The following CLSTN3 variants were observed in gnomAD, a reference collection of about 807,000 sequenced individuals.
The protein encoded by CLSTN3 is calsyntenin-3.
CLSTN3 carries 36 observed loss-of-function variants against 95.9 expected under a neutral mutation model. That is an observed-to-expected ratio of 0.38 (90% CI 0.29 to 0.50). The LOEUF is 0.50. Among genes scored for constraint, CLSTN3 ranks in the 20% least tolerant of loss-of-function variants. The probability of loss-of-function intolerance (pLI) is 0.95; values close to 1 mark genes in which losing one functional copy is unlikely to be tolerated. For synonymous variants in CLSTN3, 481 were observed against 504.0 expected (o/e 0.95, Z 0.61); for missense variants, 1,084 against 1,268.8 (o/e 0.85, Z 2.21).
intron 12 of CLSTN3, among the ~76,000 whole-genome samples, chr12:7,143,921 A>G (rs1352683736): frequency 6.6e-6 from 1 of 152,192 alleles, no homozygotes; most frequent in Non-Finnish European, 1.5e-5. Context: ...CTCAAACAGA[A>G]CTATCTAATC....
At chr12:7,156,750 A>C (rs1312562668) in intron 16 of CLSTN3, 1 of 456,738 alleles carries the variant, frequency 2.2e-6, no homozygotes, top group Non-Finnish European at 4.4e-6. Context: ...GTGCCCTTGA[A>C]GGTCCATGCC....
Position 7,150,845 on chromosome 12 carries a change from G to T in CLSTN3, c.2392-83G>T. 6.5e-7 allele frequency: 1 copy of T among 1,547,998 alleles called. No individual in the cohort carries two copies. Among genetic ancestry groups the T allele is most frequent in the Non-Finnish European group, 8.8e-7 (1 of 1,140,562 alleles). ...GGAGGAGAAGGAGATGGGGGCAGTAGTTAGGAGATGGGGCTGGGGTCTAGA... is the reference window on the plus strand; with the variant it reads ...GGAGGAGAAGGAGATGGGGGCAGTATTTAGGAGATGGGGCTGGGGTCTAGA... On this transcript the variant is annotated intron_variant, in intron 15 of 17. Coordinates refer to ENST00000266546, the MANE Select transcript of CLSTN3 (RefSeq NM_014718.4). The surrounding 1 kb of genome is among the most constrained non-coding windows in gnomAD (Gnocchi z 4.0).
intron 8 of CLSTN3, among the ~76,000 whole-genome samples, chr12:7,139,942 C>T (rs1173087453): frequency 2.0e-5 from 3 of 152,168 alleles, no homozygotes; most frequent in African/African-American, 7.2e-5. Context: ...CTGCGCCTGG[C>T]CAGATTTACA....
chr12:7,147,909 C>A (rs1218656683), intron 12 of CLSTN3, among the ~76,000 whole-genome samples: 1 of 152,082 alleles, frequency 6.6e-6, no homozygotes, highest in Admixed American at 6.5e-5. Flanking sequence ...AATCCCAGCA[C>A]TTTGGGAGGC....
Position 7,133,008 on chromosome 12 carries a change from C to T in CLSTN3, c.65-16C>T. 5 of 1,612,904 alleles carry T rather than the reference C, an allele frequency of 3.1e-6. No individual in the cohort carries two copies. Among genetic ancestry groups the T allele is most frequent in the Non-Finnish European group, 4.2e-6 (5 of 1,179,500 alleles). ...GCTCACAGGTGCTTCCTCTCCTCTC[C>T]CTGGGGTGGGGCCAGCCAACAAGCA... is the stretch of plus-strand genomic sequence containing the variant. On this transcript the variant is annotated splice_polypyrimidine_tract_variant and intron_variant, in intron 1 of 17. Transcript: ENST00000266546. The surrounding 1 kb of genome is among the most constrained non-coding windows in gnomAD (Gnocchi z 4.7).
chr12:7,133,222 A>G lies in CLSTN3; in HGVS notation c.187+76A>G. 6.9e-7 allele frequency: 1 copy of G among 1,451,808 alleles called. No homozygotes were observed. The highest frequency in any genetic ancestry group is 1.8e-4 in the Middle Eastern group (1 of 5,684). 89.9% of individuals were successfully genotyped at this position (1,451,808 alleles called of 1,614,324 possible). A position where few individuals can be genotyped will look rare whatever the true frequency, so the allele number is the denominator to read the frequency against. On this transcript the variant is annotated intron_variant, in intron 2 of 17. Transcript: ENST00000266546. The surrounding 1 kb of genome is among the most constrained non-coding windows in gnomAD (Gnocchi z 4.7). ...TGGGAGGGCCAAGAGCAAGGGAGGG[A>G]GGGAAGGTCCTGGGAGTGATGAGAA...
In CLSTN3 at chr12:7,158,145, G is replaced by A; in HGVS notation, c.*64G>A. ...CTGGTGAAACAGACACTCCAGACAT[G>A]GGAGAAGGACTTTCTGGGAACACAG... On this transcript the variant is annotated 3_prime_UTR_variant, in exon 18 of 18. Coordinates refer to ENST00000266546, the MANE Select transcript of CLSTN3 (RefSeq NM_014718.4). 2 of 1,444,520 alleles carry A rather than the reference G, an allele frequency of 1.4e-6. No homozygotes were observed. Among genetic ancestry groups the A allele is most frequent in the Non-Finnish European group, 1.8e-6 (2 of 1,090,458 alleles). 89.5% of individuals were successfully genotyped at this position (1,444,520 alleles called of 1,614,324 possible).
chr12:7,148,154 CAAAAAG>C (rs1211721531), intron 12 of CLSTN3, among the ~76,000 whole-genome samples: 1 of 99,120 alleles, frequency 1.0e-5, no homozygotes, highest in Non-Finnish European at 2.2e-5. Flanking sequence ...GAAACTCCAT[CAAAAAG>C]AAAGAAAGAA....
In CLSTN3 at chr12:7,149,414, T is replaced by A. The variant is rs1939683175; in HGVS notation, c.2075-109T>A. The A allele has an allele frequency of 9.1e-7, 1 of 1,099,584 alleles. No homozygotes were observed. The highest frequency in any genetic ancestry group is 1.3e-6 in the Non-Finnish European group (1 of 753,084). 68.1% of individuals were successfully genotyped at this position (1,099,584 alleles called of 1,614,324 possible). Reference sequence around the variant, plus strand: ...TTCTTGAAAATGATGCTGACTTCCCTCTCCCTGGCCCTGGAAAGGGAGGGA... The same window carrying A: ...TTCTTGAAAATGATGCTGACTTCCCACTCCCTGGCCCTGGAAAGGGAGGGA... On this transcript the variant is annotated intron_variant, in intron 13 of 17. Coordinates refer to ENST00000266546, the MANE Select transcript of CLSTN3 (RefSeq NM_014718.4). This position sits in a 1 kb window ranked among gnomAD's most constrained non-coding sequence, Gnocchi z 4.5.
At chr12:7,144,824 A>T (rs10845618) in intron 12 of CLSTN3, among the ~76,000 whole-genome samples, 100,505 of 151,458 alleles carry the variant, frequency 0.66, 34,832 homozygotes, top group Non-Finnish European at 0.77. Context: ...TCACAGTTAG[A>T]GCTGTGGAAG....
Position 7,150,678 on chromosome 12 carries a change from T to A in CLSTN3, c.2380T>A (p.Phe794Ile). The A allele has an allele frequency of 6.2e-7, 1 of 1,613,686 alleles. No homozygotes were observed. Among genetic ancestry groups the A allele is most frequent in the Non-Finnish European group, 8.5e-7 (1 of 1,179,608 alleles). The change falls in exon 15 of 18, where the codon TTC becomes ATC. Residue 794 changes from phenylalanine to isoleucine, a missense_variant. By Grantham distance (21) the Phe-to-Ile change is conservative. Transcript: ENST00000266546. The surrounding 1 kb of genome is among the most constrained non-coding windows in gnomAD (Gnocchi z 4.0). ...EMNGRYSSNE[F>I]IVEVNVLHSM... ...GAATGGCCGTTACTCCAGCAATGAATTCATCGTGGAGGTACCCAGAGAGTC... is the reference window on the plus strand; with the variant it reads ...GAATGGCCGTTACTCCAGCAATGAAATCATCGTGGAGGTACCCAGAGAGTC...
chr12:7,149,145 G>A lies in CLSTN3; in HGVS notation c.2021G>A (p.Cys674Tyr). The A allele has an allele frequency of 1.2e-6, 2 of 1,614,164 alleles. No individual in the cohort carries two copies. The highest frequency in any genetic ancestry group is 1.7e-6 in the Non-Finnish European group (2 of 1,180,026). Residue 674 changes from cysteine to tyrosine, a missense_variant, in exon 13 of 18, where the codon TGC (cysteine) becomes TAC (tyrosine). Coordinates refer to ENST00000266546, the MANE Select transcript of CLSTN3 (RefSeq NM_014718.4). This position sits in a 1 kb window ranked among gnomAD's most constrained non-coding sequence, Gnocchi z 4.5. Reference sequence around the variant, plus strand: ...TTGTTCCCTGATCTTCAAATCACCTGCTCCATTTCTCACCAGGTGGAGGCC... The same window carrying A: ...TTGTTCCCTGATCTTCAAATCACCTACTCCATTTCTCACCAGGTGGAGGCC... ...VPLFPDLQIT[C>Y]SISHQVEAKK...
chr12:7,154,501 G>C (rs1364011162), intron 16 of CLSTN3, among the ~76,000 whole-genome samples: 1 of 152,192 alleles, frequency 6.6e-6, no homozygotes, highest in Non-Finnish European at 1.5e-5. Context: ...GTAGATAGGT[G>C]GTTAAGAGTG....
chr12:7,134,375 C>G (rs1591613628), intron 3 of CLSTN3, among the ~76,000 whole-genome samples: 1 of 152,364 alleles, frequency 6.6e-6, no homozygotes, highest in East Asian at 1.9e-4. Context: ...TGCCAGCTAA[C>G]TTCTTATTTG....
chr12:7,129,951 C>A, upstream of CLSTN3: 1 of 336,458 alleles, frequency 3.0e-6, no homozygotes. This position sits in a 1 kb window ranked among gnomAD's most constrained non-coding sequence, Gnocchi z 5.5. Flanking sequence ...ATTTCTCAGG[C>A]TCAGACTGAG....
Position 7,157,605 on chromosome 12 carries a change from G to A in CLSTN3, c.2644G>A (p.Gly882Arg), listed in dbSNP as rs775036067. Residue 882 changes from glycine to arginine, a missense_variant, in exon 17 of 18, where the codon GGG (glycine) becomes AGG (arginine). Gly to Arg is a moderately radical substitution (Grantham distance 125, BLOSUM62 -2). Transcript: ENST00000266546. This position sits in a 1 kb window ranked among gnomAD's most constrained non-coding sequence, Gnocchi z 5.9. Reference sequence around the variant, plus strand: ...TCACCGCCGCGTCTCAGGGGCCGGCGGGCCTCCAGGGGCCTCCAGTGACCC... The same window carrying A: ...TCACCGCCGCGTCTCAGGGGCCGGCAGGCCTCCAGGGGCCTCCAGTGACCC... ...SLHRRVSGAGGPPGASSDPKD... is the reference protein window; with the variant it reads ...SLHRRVSGAGRPPGASSDPKD... The A allele has an allele frequency of 7.4e-6, 12 of 1,610,776 alleles. No homozygotes were observed. Among genetic ancestry groups the A allele is most frequent in the Non-Finnish European group, 9.3e-6 (11 of 1,178,670 alleles).
intron 16 of CLSTN3, among the ~76,000 whole-genome samples, chr12:7,154,129 G>A (rs749079100): frequency 6.6e-6 from 1 of 152,352 alleles, no homozygotes; most frequent in African/African-American, 2.4e-5. Context: ...TGGCATGCCT[G>A]AGCTGACAGG....
At chr12:7,134,163 CATA>C (rs1289325495) in intron 3 of CLSTN3, among the ~76,000 whole-genome samples, 1 of 152,184 alleles carries the variant, frequency 6.6e-6, no homozygotes, top group Non-Finnish European at 1.5e-5. Flanking sequence ...AGTACATGGG[CATA>C]ATGATGAGGA....
rs1460649939 is a variant in CLSTN3, at chr12:7,133,580, C to G, written c.195C>G (p.Ile65Met). ...CCTTCTCCCCTTTGCCAGGTGAGAT[C>G]TGCGGCTTCCGGCTCCATGGGTCTG... The part of the protein sequence containing the change: ...KDAPLRYAGE[I>M]CGFRLHGSGV... Residue 65 changes from isoleucine (I) to methionine (M), a missense_variant, in exon 3 of 18, where the codon ATC becomes ATG. Transcript: ENST00000266546. This position sits in a 1 kb window ranked among gnomAD's most constrained non-coding sequence, Gnocchi z 4.7. 1 of 1,613,904 alleles carries G rather than the reference C, an allele frequency of 6.2e-7. No individual in the cohort carries two copies. Among genetic ancestry groups the G allele is most frequent in the African/African-American group, 1.3e-5 (1 of 74,908 alleles).
Sources: gnomAD v4.1 joint callset for allele counts (sites outside exome capture counted in the v4.1 genomes callset) on GRCh38, gnomAD v4.1.1 for gene constraint, Gnocchi (gnomAD v3.1) non-coding constraint, MANE v1.5 for transcripts, NCBI Gene and HGNC (gene_info 2026-07-23, HGNC 2026-07-21) for gene names.